Variants in CRISP2 observed in about 807,000 individuals in gnomAD.
CRISP2 encodes cysteine-rich secretory protein 2.
Under a neutral mutation model 31.7 loss-of-function variants are expected in CRISP2, and 29 were observed. That is an observed-to-expected ratio of 0.92 (90% confidence interval 0.68 to 1.25). The LOEUF is 1.25. Ranked by LOEUF, CRISP2 falls within the 50% of genes most tolerant of loss-of-function variation. The probability of loss-of-function intolerance (pLI) is 0.00; values close to 1 mark genes in which losing one functional copy is unlikely to be tolerated. For synonymous variants in CRISP2, 111 were observed against 101.4 expected (o/e 1.09, Z -0.57); for missense variants, 318 against 286.5 (o/e 1.11, Z -0.79).
intron 4 of CRISP2, 51 bp downstream of exon 4, chr6:49,709,079 AT>A: frequency 6.6e-7 from 1 of 1,510,212 alleles, no homozygotes; most frequent in Non-Finnish European, 9.2e-7. Context: ...ATAGCCTGCC[AT>A]ACCACAAAGT....
At chr6:49,704,664 G>A (rs547225096) in intron 4 of CRISP2, among the ~76,000 whole-genome samples, 51 of 152,250 alleles carry the variant, frequency 3.3e-4, no homozygotes, top group African/African-American at 1.2e-3. Flanking sequence ...GGCTGGTACT[G>A]GAGAATGCCT....
Position 49,692,726 on chromosome 6 carries a change from G to T in CRISP2, c.*47C>A, listed in dbSNP as rs779132281. The T allele has an allele frequency of 1.3e-6, 2 of 1,514,934 alleles. No individual in the cohort carries two copies. Among genetic ancestry groups the T allele is most frequent in the African/African-American group, 1.4e-5 (1 of 72,360 alleles). The allele number at this position is 1,514,934 out of a possible 1,614,324, so 93.8% of individuals were successfully genotyped here. ...TTCCACTGGTATGTCGCAATTAAAT[G>T]ATGCAGCCCTTATCCATGCAGTCTT... On this transcript the variant is annotated 3_prime_UTR_variant, in exon 10 of 10. Transcript: ENST00000339139.
intron 2 of CRISP2, among the ~76,000 whole-genome samples, chr6:49,711,655 T>C (rs910196100): frequency 3.3e-5 from 5 of 152,180 alleles, no homozygotes; most frequent in Non-Finnish European, 5.9e-5. Context: ...ACTGTGAAGG[T>C]TACCAGGATT....
rs1192588964 is a variant in CRISP2 at position 49,713,462 on chromosome 6, A to G, written c.-151+13T>C. 2.0e-5 allele frequency: 3 copies of G among 152,198 alleles called. No homozygotes were observed. The highest frequency in any genetic ancestry group is 3.9e-4 in the East Asian group (2 of 5,148). 9.4% of individuals were successfully genotyped at this position (152,198 alleles called of 1,614,324 possible). A position where few individuals can be genotyped will look rare whatever the true frequency, so the allele number is the denominator to read the frequency against. On this transcript the variant is annotated intron_variant, in intron 1 of 9. Transcript: ENST00000339139. ...CGTCCCTAGCCATTTCTAGTCTCCAATCCGGGTCTTACATTTACCCTGGCT... is the reference window on the plus strand; with the variant it reads ...CGTCCCTAGCCATTTCTAGTCTCCAGTCCGGGTCTTACATTTACCCTGGCT...
chr6:49,701,381 T>A (rs1765651143), intron 4 of CRISP2, among the ~76,000 whole-genome samples: 1 of 151,166 alleles, frequency 6.6e-6, no homozygotes, highest in Admixed American at 6.6e-5. Context: ...TGATGTTTGG[T>A]TTTTCCATTT....
the CRISP2 span, among the ~76,000 whole-genome samples, chr6:49,681,381 T>A: frequency 1.3e-5 from 2 of 152,172 alleles, no homozygotes; most frequent in African/African-American, 4.8e-5. Flanking sequence ...ACCAGTATCA[T>A]GCTGTTTTGG....
intron 3 of CRISP2, among the ~76,000 whole-genome samples, chr6:49,709,758 T>C (rs1353337343): frequency 2.0e-5 from 3 of 152,236 alleles, no homozygotes; most frequent in Non-Finnish European, 4.4e-5. Flanking sequence ...GAAGTTATGT[T>C]TATTTTCTTC....
chr6:49,698,598 C>A lies in CRISP2; in HGVS notation c.272-91G>T, dbSNP rs1351622742. The A allele has an allele frequency of 3.7e-6, 5 of 1,347,400 alleles. No homozygotes were observed. The South Asian group carries it at 7.0e-5, about 19-fold the overall frequency. 83.5% of individuals were successfully genotyped at this position (1,347,400 alleles called of 1,614,324 possible). ...AACACAAAGATGTTGCCTTTCAAAC[C>A]CAGGGTCCAGCAGATGCTAACTGTT... On this transcript the variant is annotated intron_variant, in intron 6 of 9. Coordinates refer to ENST00000339139, the MANE Select transcript of CRISP2 (RefSeq NM_003296.4).
At chr6:49,691,731 A>G (rs1242525454), downstream of CRISP2, among the ~76,000 whole-genome samples, 1 of 152,050 alleles carries the variant, frequency 6.6e-6, no homozygotes, top group Non-Finnish European at 1.5e-5. Context: ...TCTTTTAAGT[A>G]TTTGACAGAA....
intron 2 of CRISP2, 122 bp downstream of exon 2, chr6:49,712,379 G>C (rs1768181202): frequency 6.6e-6 from 1 of 152,066 alleles, no homozygotes; most frequent in Non-Finnish European, 1.5e-5. Context: ...TGTCACTGTT[G>C]GTGAGAGTAT....
the CRISP2 span, among the ~76,000 whole-genome samples, chr6:49,678,607 A>G: frequency 6.6e-6 from 1 of 152,110 alleles, no homozygotes; most frequent in Admixed American, 6.6e-5. Flanking sequence ...AATTGCAGAG[A>G]GTGTAAATGT....
At chr6:49,682,447 T>C in the CRISP2 span, among the ~76,000 whole-genome samples, 1 of 150,732 alleles carries the variant, frequency 6.6e-6, no homozygotes, top group Non-Finnish European at 1.5e-5. Context: ...TCTTTCCCTT[T>C]CTTCCTTCCT....
chr6:49,700,865 C>T, intron 4 of CRISP2, 81 bp from the exon 5 acceptor site: 1 of 890,252 alleles, frequency 1.1e-6, no homozygotes, highest in Non-Finnish European at 1.8e-6. Flanking sequence ...TTCAAGAGAA[C>T]AAAGGTCACT....
At chr6:49,703,992 A>G (rs781408835) in intron 4 of CRISP2, among the ~76,000 whole-genome samples, 1 of 152,082 alleles carries the variant, frequency 6.6e-6, no homozygotes, top group Non-Finnish European at 1.5e-5. Flanking sequence ...AACATCAATT[A>G]TTCTTAGCTT....
chr6:49,683,199 T>TAAATAAATAAAG, the CRISP2 span, among the ~76,000 whole-genome samples: 219 of 148,952 alleles, frequency 1.5e-3, no homozygotes, highest in East Asian at 0.023. Flanking sequence ...AATAAATAAA[T>TAAATAAATAAAG]AGAGACATGC....
chr6:49,688,992 C>T (rs572791354), downstream of CRISP2, among the ~76,000 whole-genome samples: 4 of 152,098 alleles, frequency 2.6e-5, no homozygotes, highest in East Asian at 7.7e-4. Context: ...CCTCAGCCTC[C>T]TCCCAAGTAG....
downstream of CRISP2, among the ~76,000 whole-genome samples, chr6:49,690,042 C>G (rs755853335): frequency 6.6e-6 from 1 of 152,084 alleles, no homozygotes; most frequent in Non-Finnish European, 1.5e-5. Flanking sequence ...AGAGAACTTG[C>G]ATTTGGAACA....
chr6:49,683,199 T>TAAAG, the CRISP2 span, among the ~76,000 whole-genome samples: 466 of 148,952 alleles, frequency 3.1e-3, 1 homozygote, highest in Middle Eastern at 3.5e-3. Context: ...AATAAATAAA[T>TAAAG]AGAGACATGC....
At chr6:49,693,027 G>A in intron 9 of CRISP2, 127 bp from the exon 10 acceptor site, 1 of 822,164 alleles carries the variant, frequency 1.2e-6, no homozygotes, top group Non-Finnish European at 1.9e-6. Context: ...ACTACAATGG[G>A]TCTTTCATGT....
Sources: gnomAD v4.1 joint callset for allele counts (sites outside exome capture counted in the v4.1 genomes callset) on GRCh38, gnomAD v4.1.1 for gene constraint, MANE v1.5 for transcripts, NCBI Gene and HGNC (gene_info 2026-07-23, HGNC 2026-07-21) for gene names.